NT5DC3: variants seen among roughly 807,000 people sequenced by gnomAD.
NT5DC3 encodes the protein 5'-nucleotidase domain containing 3, also known as 5'-nucleotidase domain-containing protein 3.
In NT5DC3, 42 loss-of-function variants were observed where a neutral mutation model predicts 67.8. That is an observed-to-expected ratio of 0.62 (90% CI 0.48 to 0.80). NT5DC3 has a LOEUF of 0.80. Among genes scored for constraint, NT5DC3 ranks in the 30% least tolerant of loss-of-function variants. NT5DC3 has a pLI of 0.00. For synonymous variants in NT5DC3, 237 were observed against 255.6 expected, an observed-to-expected ratio of 0.93 and a Z score of 0.69; for missense variants, 570 against 696.4, an observed-to-expected ratio of 0.82 and a Z score of 2.04.
chr12:103,762,265 T>C, the NT5DC3 span: 4 of 1,613,494 alleles, frequency 2.5e-6, no homozygotes, highest in Non-Finnish European at 3.4e-6. Context: ...TTCCTTTCTT[T>C]GTGTTCAGAC....
chr12:103,829,038 G>A (rs1299560419), intron 1 of NT5DC3, among the ~76,000 whole-genome samples: 1 of 152,114 alleles, frequency 6.6e-6, no homozygotes, highest in Non-Finnish European at 1.5e-5. Context: ...ATACATGTGT[G>A]TCCCTACAAG....
At chr12:103,802,217 ATTC>A (rs1886618783) in intron 4 of NT5DC3, 1 of 152,226 alleles carries the variant, frequency 6.6e-6, no homozygotes, top group Admixed American at 6.5e-5. Flanking sequence ...AAACAAGGCA[ATTC>A]TTCTCCTGTG....
intron 3 of NT5DC3, 36 bp from the exon 4 acceptor site, chr12:103,806,413 G>A (rs1483648576): frequency 9.1e-6 from 13 of 1,432,408 alleles, no homozygotes; most frequent in African/African-American, 2.8e-5. Context: ...TGTAAATAAT[G>A]TATGACTATT....
chr12:103,775,972 T>C lies in NT5DC3; in HGVS notation c.*1857A>G, dbSNP rs897628651. 3 of 152,198 alleles carry C rather than the reference T, an allele frequency of 2.0e-5. No homozygotes were observed. Among genetic ancestry groups the C allele is most frequent in the Admixed American group, 6.5e-5 (1 of 15,278 alleles). 9.4% of individuals were successfully genotyped at this position (152,198 alleles called of 1,614,324 possible). Reference sequence around the variant, plus strand: ...AAGCACTCTCCACAAGCTCCCCTCATGTTCCTGCCATCCTTTAGATTTAAG... The same window carrying C: ...AAGCACTCTCCACAAGCTCCCCTCACGTTCCTGCCATCCTTTAGATTTAAG... On this transcript the variant is annotated 3_prime_UTR_variant, in exon 14 of 14. Transcript: ENST00000392876.
chr12:103,799,804 C>CAAAAAAAAAAAAAAAAAAA (rs72379630), intron 4 of NT5DC3, among the ~76,000 whole-genome samples: 5 of 131,490 alleles, frequency 3.8e-5, no homozygotes, highest in South Asian at 2.8e-4. Flanking sequence ...CTCCACATAC[C>CAAAAAAAAAAAAAAAAAAA]AAAAAAAAAA....
chr12:103,759,818 TAGG>T, the NT5DC3 span, among the ~76,000 whole-genome samples: 3 of 152,306 alleles, frequency 2.0e-5, no homozygotes, highest in East Asian at 1.9e-4. Context: ...ATACGATAAA[TAGG>T]AGAGAAGCAT....
rs189364241 is a variant in NT5DC3, at chr12:103,816,095, G to C, written c.209-974C>G. Among the ~76,000 whole-genome samples, 5 of 152,252 alleles carry C rather than the reference G, an allele frequency of 3.3e-5. No individual in the cohort carries two copies. The East Asian group carries it at 7.7e-4, about 23-fold the overall frequency. On this transcript the variant is annotated intron_variant, in intron 1 of 13. Transcript: ENST00000392876. ...TCAATCATGATCCTACACTTTTTGA[G>C]AACAAACTATTACATGAGACTTTCA... is the stretch of plus-strand genomic sequence containing the variant.
At chr12:103,802,145 T>C (rs1351615209) in intron 4 of NT5DC3, 1 of 152,384 alleles carries the variant, frequency 6.6e-6, no homozygotes, top group Non-Finnish European at 1.5e-5. Context: ...GAACGCTCCT[T>C]CTCCCTGAAT....
rs180903986 is a variant in NT5DC3 at position 103,789,897 on chromosome 12, C to T, written c.1020-978G>A. On this transcript the variant is annotated intron_variant, in intron 9 of 13. Coordinates refer to ENST00000392876, the MANE Select transcript of NT5DC3 (RefSeq NM_001031701.3). ...AGGTACGCAACCCAGAATTCTAGAC[C>T]CACCATGTACACTTAACATTTCAGT... Among the ~76,000 whole-genome samples, 374 of 152,172 alleles carry T rather than the reference C, an allele frequency of 2.5e-3. 1 individual carries two copies. The highest frequency in any genetic ancestry group is 8.5e-3 in the African/African-American group (352 of 41,506).
At chr12:103,783,122 A>G (rs1209185401) in intron 12 of NT5DC3, among the ~76,000 whole-genome samples, 2 of 152,236 alleles carry the variant, frequency 1.3e-5, no homozygotes, top group African/African-American at 4.8e-5. Flanking sequence ...ATAATCCCCA[A>G]GGGGGAGTTC....
At chr12:103,833,590 A>C (rs1888021475) in intron 1 of NT5DC3, among the ~76,000 whole-genome samples, 1 of 152,184 alleles carries the variant, frequency 6.6e-6, no homozygotes. Context: ...AACTTTGAAT[A>C]AATCTTTCAA....
chr12:103,779,201 G>C (rs947988312), intron 13 of NT5DC3, among the ~76,000 whole-genome samples: 2 of 152,142 alleles, frequency 1.3e-5, no homozygotes, highest in African/African-American at 4.8e-5. Context: ...CTCCTCGGAA[G>C]TGAGGCTGTT....
chr12:103,806,274 G>A, intron 4 of NT5DC3, 48 bp downstream of exon 4: 2 of 1,231,956 alleles, frequency 1.6e-6, no homozygotes, highest in Non-Finnish European at 1.2e-6. Flanking sequence ...GAAACCCAAA[G>A]CACCTGGTTA....
chr12:103,752,564 G>C, the NT5DC3 span, among the ~76,000 whole-genome samples: 3 of 152,188 alleles, frequency 2.0e-5, no homozygotes, highest in Non-Finnish European at 1.5e-5. Context: ...AGTATCTTAG[G>C]GGGAAATGAA....
rs571576139 is a variant in NT5DC3, at chr12:103,784,263, G to A, written c.1329+1072C>T. The stretch of plus-strand genomic sequence containing the variant: ...AAATCATCTCACAGACAAGCATAGC[G>A]AGGGAAACAGAATAAATCCTCATCA... On this transcript the variant is annotated intron_variant, in intron 12 of 13. Transcript: ENST00000392876. Among the ~76,000 whole-genome samples, 85 of 152,308 alleles carry A rather than the reference G, an allele frequency of 5.6e-4. 1 individual carries two copies. The highest frequency in any genetic ancestry group is 1.4e-3 in the Admixed American group (21 of 15,308).
the NT5DC3 span, chr12:103,759,058 G>C: frequency 6.2e-7 from 1 of 1,610,544 alleles, no homozygotes; most frequent in South Asian, 1.1e-5. Context: ...AATTTTCTTC[G>C]TCATCCCCAT....
intron 2 of NT5DC3, among the ~76,000 whole-genome samples, chr12:103,812,338 A>G (rs573510848): frequency 1.3e-5 from 2 of 152,346 alleles, no homozygotes; most frequent in East Asian, 3.9e-4. Context: ...TTTAATCAGA[A>G]GAGAAAAATT....
chr12:103,807,548 C>G (rs1886855092), intron 2 of NT5DC3, among the ~76,000 whole-genome samples: 1 of 152,252 alleles, frequency 6.6e-6, no homozygotes, highest in Non-Finnish European at 1.5e-5. Flanking sequence ...CACCCTCCAG[C>G]TGGGCAACCC....
At chr12:103,763,660 G>T in the NT5DC3 span, 4 of 1,485,182 alleles carry the variant, frequency 2.7e-6, no homozygotes, top group Non-Finnish European at 3.7e-6. Flanking sequence ...ACAGGGGAAT[G>T]ATGTCTTTTA....
Sources: gnomAD v4.1 joint callset for allele counts (sites outside exome capture counted in the v4.1 genomes callset) on GRCh38, gnomAD v4.1.1 for gene constraint, MANE v1.5 for transcripts, NCBI Gene and HGNC (gene_info 2026-07-23, HGNC 2026-07-21) for gene names.